Variants in XPR1 observed in about 807,000 individuals in gnomAD.
The protein encoded by XPR1 is xenotropic and polytropic retrovirus receptor 1.
A neutral mutation model predicts 87.5 loss-of-function variants in XPR1; 28 were observed. The ratio of observed to expected loss-of-function variants is 0.32; its 90% CI spans 0.24 to 0.44. The LOEUF is 0.44. Ranked by LOEUF, XPR1 falls within the 20% of genes least tolerant of loss-of-function variation. The pLI is 1.00. For missense variants in XPR1, 559 were observed against 862.3 expected, an observed-to-expected ratio of 0.65 and a Z score of 4.41; for synonymous variants, 300 against 306.1, an observed-to-expected ratio of 0.98 and a Z score of 0.21.
chr1:180,858,604 T>C (rs189093274), intron 11 of XPR1, among the ~76,000 whole-genome samples: 38 of 152,346 alleles, frequency 2.5e-4, no homozygotes, highest in Admixed American at 2.4e-3. Flanking sequence ...TATGAGTTCC[T>C]TTTTTGTCTC....
chr1:180,649,526 G>A (rs528659540), intron 1 of XPR1, among the ~76,000 whole-genome samples: 3 of 152,304 alleles, frequency 2.0e-5, no homozygotes, highest in African/African-American at 7.2e-5. Context: ...ATATGCAAAT[G>A]CTCTGTGTTG....
At chr1:180,724,526 C>T (rs1658272330) in intron 2 of XPR1, among the ~76,000 whole-genome samples, 2 of 151,960 alleles carry the variant, frequency 1.3e-5, no homozygotes, top group South Asian at 2.1e-4. Context: ...TTGGAAAAGT[C>T]GTAATGTAAA....
chr1:180,722,478 G>A (rs1283678593), intron 2 of XPR1, among the ~76,000 whole-genome samples: 1 of 152,198 alleles, frequency 6.6e-6, no homozygotes, highest in Admixed American at 6.5e-5. Flanking sequence ...ACAAGACTAA[G>A]TGAAATTGTA....
chr1:180,820,086 A>G (rs1650571663), intron 7 of XPR1, among the ~76,000 whole-genome samples: 1 of 152,116 alleles, frequency 6.6e-6, no homozygotes, highest in Admixed American at 6.6e-5. Context: ...ATTAGTAATG[A>G]CATCTTAAGA....
intron 2 of XPR1, among the ~76,000 whole-genome samples, chr1:180,683,601 A>G (rs1656662780): frequency 6.6e-6 from 1 of 152,052 alleles, no homozygotes; most frequent in South Asian, 2.1e-4. Flanking sequence ...AAGTGTTCCT[A>G]TTTCTCCACA....
intron 2 of XPR1, among the ~76,000 whole-genome samples, chr1:180,717,918 T>G (rs994737874): frequency 6.6e-6 from 1 of 152,130 alleles, no homozygotes; most frequent in African/African-American, 2.4e-5. Flanking sequence ...GCAATTACTT[T>G]TGCACCAACC....
At chr1:180,722,329 C>T (rs775119144) in intron 2 of XPR1, among the ~76,000 whole-genome samples, 19 of 152,034 alleles carry the variant, frequency 1.2e-4, no homozygotes, top group Non-Finnish European at 2.1e-4. Context: ...CTCCTGACCT[C>T]GTGATCTACC....
chr1:180,798,896 G>A (rs1000641712), intron 3 of XPR1, among the ~76,000 whole-genome samples: 5 of 152,290 alleles, frequency 3.3e-5, no homozygotes, highest in Middle Eastern at 3.4e-3. Context: ...TTACAGGTGT[G>A]AGCCACCATG....
At chr1:180,865,302 A>G (rs1652351238) in intron 12 of XPR1, among the ~76,000 whole-genome samples, 2 of 152,212 alleles carry the variant, frequency 1.3e-5, no homozygotes, top group Non-Finnish European at 2.9e-5. Flanking sequence ...GAGAGTAGAT[A>G]GGAGCTCAGT....
In XPR1 at chr1:180,814,686, C is replaced by T. The variant is rs189443971; in HGVS notation, c.763+3198C>T. ...CCTTTCCTTATGAAATGTATTATGC[C>T]AGGGAGATTAAGGCATATATTAAAG... is the stretch of plus-strand genomic sequence containing the variant. On this transcript the variant is annotated intron_variant, in intron 7 of 14. Coordinates refer to ENST00000367590, the MANE Select transcript of XPR1 (RefSeq NM_004736.4). Among the ~76,000 whole-genome samples the T allele has an allele frequency of 5.3e-5, 8 of 152,090 alleles. No homozygotes were observed. The East Asian group carries it at 1.4e-3, about 26-fold the overall frequency.
chr1:180,726,342 A>G (rs1201985610), intron 2 of XPR1, among the ~76,000 whole-genome samples: 1 of 152,142 alleles, frequency 6.6e-6, no homozygotes, highest in Non-Finnish European at 1.5e-5. Context: ...CATGCTGTGG[A>G]AGCTTTGTTC....
At chr1:180,738,137 G>A (rs760235982) in intron 2 of XPR1, among the ~76,000 whole-genome samples, 8 of 152,002 alleles carry the variant, frequency 5.3e-5, no homozygotes, top group Admixed American at 1.3e-4. Context: ...TCAGCCTCCC[G>A]AGTAGCTGAG....
intron 2 of XPR1, among the ~76,000 whole-genome samples, chr1:180,704,015 A>G (rs756071185): frequency 9.2e-5 from 14 of 151,406 alleles, no homozygotes; most frequent in African/African-American, 2.2e-4. Flanking sequence ...TCTTTTTACA[A>G]TTTTATTATT....
intron 2 of XPR1, among the ~76,000 whole-genome samples, chr1:180,726,878 CTTT>C (rs57684804): frequency 2.1e-5 from 3 of 142,762 alleles, no homozygotes; most frequent in Admixed American, 6.9e-5. Flanking sequence ...TGTTTTCTTT[CTTT>C]TTTTTTTTTT....
intron 2 of XPR1, among the ~76,000 whole-genome samples, chr1:180,711,786 A>G (rs946968271): frequency 3.9e-5 from 6 of 152,206 alleles, no homozygotes; most frequent in African/African-American, 1.4e-4. Context: ...GCCTAATTCA[A>G]GGTCACAAAG....
At chr1:180,663,927 C>T (rs1448100743) in intron 1 of XPR1, among the ~76,000 whole-genome samples, 1 of 152,158 alleles carries the variant, frequency 6.6e-6, no homozygotes, top group Non-Finnish European at 1.5e-5. Flanking sequence ...ACTATAGGGC[C>T]ACAGGAAATA....
chr1:180,840,696 TAAAA>T (rs138191585), intron 11 of XPR1, among the ~76,000 whole-genome samples: 1 of 150,952 alleles, frequency 6.6e-6, no homozygotes, highest in Non-Finnish European at 1.5e-5. Flanking sequence ...ATTGCTAAAA[TAAAA>T]AAAACCTTAT....
chr1:180,704,139 G>C (rs1181934930), intron 2 of XPR1, among the ~76,000 whole-genome samples: 1 of 149,912 alleles, frequency 6.7e-6, no homozygotes, highest in Non-Finnish European at 1.5e-5. Flanking sequence ...CATAGTTTCT[G>C]TTCTCTTTAT....
chr1:180,750,775 A>G (rs962801499), intron 2 of XPR1, among the ~76,000 whole-genome samples: 2 of 152,040 alleles, frequency 1.3e-5, no homozygotes, highest in African/African-American at 4.8e-5. Flanking sequence ...TTTTTGCAAA[A>G]CAGTCTCCTG....
Sources: allele counts gnomAD v4.1 joint callset (sites outside exome capture counted in the v4.1 genomes callset), GRCh38; gene constraint gnomAD v4.1.1; transcripts MANE v1.5; gene names NCBI Gene and HGNC (gene_info 2026-07-23, HGNC 2026-07-21).